ABHD12: variants seen among roughly 807,000 people sequenced by gnomAD.
ABHD12 encodes the protein abhydrolase domain containing 12, lysophospholipase.
In ABHD12, 43 loss-of-function variants were observed where a neutral mutation model predicts 58.3. The observed-to-expected ratio is 0.74, with a 90% CI of 0.58 to 0.95. The LOEUF (loss-of-function observed/expected upper bound fraction) is 0.95. Ranked by LOEUF, ABHD12 falls within the 40% of genes least tolerant of loss-of-function variation. ABHD12 has a pLI of 0.00. For missense variants in ABHD12, 539 were observed against 537.2 expected (o/e 1.00, Z -0.03); for synonymous variants, 219 against 211.2 (o/e 1.04, Z -0.32).
At chr20:25,343,488 GC>G (rs1292069626) in intron 1 of ABHD12, among the ~76,000 whole-genome samples, 1 of 152,116 alleles carries the variant, frequency 6.6e-6, no homozygotes, top group Non-Finnish European at 1.5e-5. Context: ...GGAGTTCAAG[GC>G]CAGCCTGGGC....
At chr20:25,343,043 C>G (rs1321993464) in intron 1 of ABHD12, among the ~76,000 whole-genome samples, 1 of 152,326 alleles carries the variant, frequency 6.6e-6, no homozygotes, top group East Asian at 1.9e-4. Context: ...AATCCACCTA[C>G]CTTGGCCTCC....
At chr20:25,301,674 G>A (rs2088638052) in intron 12 of ABHD12, among the ~76,000 whole-genome samples, 1 of 152,240 alleles carries the variant, frequency 6.6e-6, no homozygotes, top group African/African-American at 2.4e-5. Flanking sequence ...GCCGGGGGTT[G>A]GTCCATTCCA....
At position 25,323,475 on chromosome 20, in the gene ABHD12, A is replaced by G. The variant is rs76752183; in HGVS notation, c.317-45T>C. The G allele has an allele frequency of 4.8e-3, 5,770 of 1,212,654 alleles. 203 individuals are homozygous for G. The African/African-American group carries it at 0.073, about 15-fold the overall frequency. The allele number at this position is 1,212,654 out of a possible 1,614,324, so 75.1% of individuals were successfully genotyped here. ...GGAAATTAGGATTACTGGTGGATGAATACACACATGTACACACAAACATGC... is the reference window on the plus strand; with the variant it reads ...GGAAATTAGGATTACTGGTGGATGAGTACACACATGTACACACAAACATGC... On this transcript the variant is annotated intron_variant, in intron 2 of 12. Coordinates refer to ENST00000339157, the MANE Select transcript of ABHD12 (RefSeq NM_001042472.3).
Position 25,300,814 on chromosome 20 carries a change from A to G in ABHD12, c.*31T>C. The G allele has an allele frequency of 6.2e-7, 1 of 1,614,028 alleles. No homozygotes were observed. The highest frequency in any genetic ancestry group is 1.1e-5 in the South Asian group (1 of 91,076). On this transcript the variant is annotated 3_prime_UTR_variant, in exon 13 of 13. Coordinates refer to ENST00000339157, the MANE Select transcript of ABHD12 (RefSeq NM_001042472.3). ...CTGGAGGAAAACGGGAGGAGGGCAGAGGTCTTCATGCTTCCTTCCCACGGC... is the reference window on the plus strand; with the variant it reads ...CTGGAGGAAAACGGGAGGAGGGCAGGGGTCTTCATGCTTCCTTCCCACGGC...
intron 1 of ABHD12, among the ~76,000 whole-genome samples, chr20:25,358,671 G>A (rs1368233969): frequency 6.6e-6 from 1 of 152,158 alleles, no homozygotes; most frequent in African/African-American, 2.4e-5. Context: ...GAGGTGGCAG[G>A]AGACCTATGC....
chr20:25,355,875 GAA>G (rs1337419340), intron 1 of ABHD12, among the ~76,000 whole-genome samples: 1 of 149,516 alleles, frequency 6.7e-6, no homozygotes, highest in Non-Finnish European at 1.5e-5. Context: ...GTATTTTTAA[GAA>G]AAAAAAGTTT....
chr20:25,345,644 A>C (rs1275009729), intron 1 of ABHD12, among the ~76,000 whole-genome samples: 1 of 152,256 alleles, frequency 6.6e-6, no homozygotes, highest in Non-Finnish European at 1.5e-5. Flanking sequence ...GGACCTGAAC[A>C]GACACCTCTC....
chr20:25,358,202 CAAAG>C (rs965444779), intron 1 of ABHD12, among the ~76,000 whole-genome samples: 1 of 152,102 alleles, frequency 6.6e-6, no homozygotes, highest in African/African-American at 2.4e-5. Context: ...TGGACACTAA[CAAAG>C]GAACAAAAGT....
intron 1 of ABHD12, among the ~76,000 whole-genome samples, chr20:25,346,754 C>G (rs1600832921): frequency 9.6e-6 from 1 of 104,640 alleles, no homozygotes; most frequent in Admixed American, 1.1e-4. Flanking sequence ...ACACCATTCT[C>G]CTGCCCTCAG....
chr20:25,365,181 A>G (rs544749917), intron 1 of ABHD12, among the ~76,000 whole-genome samples: 5 of 152,362 alleles, frequency 3.3e-5, no homozygotes, highest in East Asian at 1.9e-4. Context: ...GAAAAAGGTC[A>G]TATGTTTACA....
At chr20:25,323,770 T>C (rs1224114649) in intron 2 of ABHD12, among the ~76,000 whole-genome samples, 1 of 151,696 alleles carries the variant, frequency 6.6e-6, no homozygotes, top group Non-Finnish European at 1.5e-5. Context: ...AAGATGCAAA[T>C]GAGGGAAGGA....
At chr20:25,331,148 C>A (rs957038589) in intron 2 of ABHD12, among the ~76,000 whole-genome samples, 31 of 152,026 alleles carry the variant, frequency 2.0e-4, no homozygotes, top group African/African-American at 7.5e-4. Flanking sequence ...AACCAAGGCT[C>A]GAGAACTACG....
intron 1 of ABHD12, among the ~76,000 whole-genome samples, chr20:25,353,130 A>C (rs982972086): frequency 6.6e-6 from 1 of 152,248 alleles, no homozygotes; most frequent in African/African-American, 2.4e-5. Context: ...TGTAAATGAA[A>C]ATTAGCTAGT....
intron 1 of ABHD12, chr20:25,368,834 T>G (rs2089860590): frequency 3.7e-6 from 2 of 534,152 alleles, no homozygotes; most frequent in Non-Finnish European, 7.0e-6. Context: ...AAAAAATTAT[T>G]AGCCATCCTC....
chr20:25,374,939 C>T (rs965976464), intron 1 of ABHD12, among the ~76,000 whole-genome samples: 1 of 152,190 alleles, frequency 6.6e-6, no homozygotes, highest in Non-Finnish European at 1.5e-5. Flanking sequence ...TGAATAATGT[C>T]CCCTCAAAAT....
At chr20:25,330,862 G>GA (rs528094376) in intron 2 of ABHD12, among the ~76,000 whole-genome samples, 3,779 of 151,912 alleles carry the variant, frequency 0.025, 147 homozygotes, top group African/African-American at 0.083. Flanking sequence ...CAAAGATGGG[G>GA]AAAAAAAAGA....
chr20:25,300,503 A>C lies in ABHD12; in HGVS notation c.*342T>G, dbSNP rs1189257417. The C allele has an allele frequency of 4.6e-6, 6 of 1,298,358 alleles. No homozygotes were observed. Among genetic ancestry groups the C allele is most frequent in the Non-Finnish European group, 5.9e-6 (6 of 1,014,550 alleles). The allele number at this position is 1,298,358 out of a possible 1,614,324, so 80.4% of individuals were successfully genotyped here. ...GCTCAGCATGGTCCCGAGCCCCAAG[A>C]GTCCCCTGCCCGGACTCCCCCTGTC... On this transcript the variant is annotated 3_prime_UTR_variant, in exon 13 of 13. Coordinates refer to ENST00000339157, the MANE Select transcript of ABHD12 (RefSeq NM_001042472.3).
Position 25,390,579 on chromosome 20 carries a change from A to G in ABHD12, c.125T>C (p.Leu42Pro), listed in dbSNP as rs2090161835. 1.4e-6 allele frequency: 2 copies of G among 1,472,456 alleles called. No homozygotes were observed. Among genetic ancestry groups the G allele is most frequent in the Non-Finnish European group, 1.8e-6 (2 of 1,118,530 alleles). 91.2% of individuals were successfully genotyped at this position (1,472,456 alleles called of 1,614,324 possible). ...CGGCTCAGCCGCCGCCGGGCCCGTC[A>G]GGCGTAGGTTCTGCTTCAGGCGGCA... is the stretch of plus-strand genomic sequence containing the variant. ...ADCRLKQNLR[L>P]TGPAAAEPRC... Residue 42 changes from leucine (L) to proline (P), a missense_variant, in exon 1 of 13, where the codon CTG (leucine) becomes CCG (proline). Physicochemically the swap from Leu to Pro is moderately conservative, Grantham distance 98 (BLOSUM62 -3). Coordinates refer to ENST00000339157, the MANE Select transcript of ABHD12 (RefSeq NM_001042472.3).
intron 3 of ABHD12, among the ~76,000 whole-genome samples, chr20:25,322,890 T>C (rs559520001): frequency 1.3e-5 from 2 of 151,990 alleles, no homozygotes; most frequent in East Asian, 3.9e-4. Context: ...GCCTGGCTAA[T>C]TTTTGTATTT....
Sources: gnomAD v4.1 joint callset for allele counts (sites outside exome capture counted in the v4.1 genomes callset) on GRCh38, gnomAD v4.1.1 for gene constraint, MANE v1.5 for transcripts, NCBI Gene and HGNC (gene_info 2026-07-23, HGNC 2026-07-21) for gene names.